LSAMP: variants seen among roughly 807,000 people sequenced by gnomAD.
The protein encoded by LSAMP is limbic system-associated membrane protein.
In LSAMP, 7 loss-of-function variants were observed where a neutral mutation model predicts 38.6. The observed-to-expected ratio is 0.18, with a 90% CI of 0.10 to 0.34. The LOEUF (loss-of-function observed/expected upper bound fraction) is 0.34. LSAMP is among the 10% of genes least tolerant of loss of function. The probability of loss-of-function intolerance (pLI) is 1.00; values close to 1 mark genes in which losing one functional copy is unlikely to be tolerated. For missense variants in LSAMP, 313 were observed against 420.0 expected, an observed-to-expected ratio of 0.75 and a Z score of 2.23; for synonymous variants, 154 against 166.8, an observed-to-expected ratio of 0.92 and a Z score of 0.59.
intron 1 of LSAMP, among the ~76,000 whole-genome samples, chr3:116,265,039 C>CTCA (rs2046874818): frequency 6.6e-6 from 1 of 152,006 alleles, no homozygotes; most frequent in African/African-American, 2.4e-5. Context: ...CCTAAGTCAC[C>CTCA]TCATCAGCAT....
intron 1 of LSAMP, among the ~76,000 whole-genome samples, chr3:116,323,694 T>C (rs182454633): frequency 6.6e-6 from 1 of 152,252 alleles, no homozygotes; most frequent in African/African-American, 2.4e-5. Flanking sequence ...GATCTAATTC[T>C]ACCATCTTCT....
At chr3:116,354,835 G>T (rs900317115) in intron 1 of LSAMP, among the ~76,000 whole-genome samples, 4 of 128,734 alleles carry the variant, frequency 3.1e-5, no homozygotes, top group African/African-American at 1.1e-4. Context: ...CTCTCTCTCT[G>T]GGTGTATATA....
At chr3:116,038,406 T>C (rs775884435) in intron 2 of LSAMP, among the ~76,000 whole-genome samples, 9 of 152,134 alleles carry the variant, frequency 5.9e-5, no homozygotes, top group Non-Finnish European at 1.3e-4. Flanking sequence ...TGAATAAATG[T>C]ATCAGTGAAG....
chr3:116,199,817 A>G (rs2045965368), intron 1 of LSAMP, among the ~76,000 whole-genome samples: 1 of 152,164 alleles, frequency 6.6e-6, no homozygotes, highest in Admixed American at 6.5e-5. Flanking sequence ...TGATAAGTTT[A>G]TGAAAGGGAG....
At chr3:116,054,177 C>T (rs1941446851) in intron 2 of LSAMP, among the ~76,000 whole-genome samples, 2 of 152,154 alleles carry the variant, frequency 1.3e-5, no homozygotes, top group Admixed American at 1.3e-4. Flanking sequence ...TCAAAGCCAG[C>T]AGTGCAGCAT....
At chr3:116,374,847 C>T (rs1408688505) in intron 1 of LSAMP, among the ~76,000 whole-genome samples, 1 of 151,704 alleles carries the variant, frequency 6.6e-6, no homozygotes, top group Non-Finnish European at 1.5e-5. Context: ...CTCCTAGGAC[C>T]CCAGAACATG....
At chr3:115,813,908 T>G (rs1933923700) in intron 6 of LSAMP, among the ~76,000 whole-genome samples, 1 of 152,158 alleles carries the variant, frequency 6.6e-6, no homozygotes. Context: ...ACAGATAAAA[T>G]GAAAGCAAGA....
chr3:116,104,423 C>T (rs1008918502), intron 1 of LSAMP, among the ~76,000 whole-genome samples: 2 of 151,672 alleles, frequency 1.3e-5, no homozygotes, highest in Non-Finnish European at 2.9e-5. Context: ...AATCAACCAC[C>T]CAACAAAGAA....
chr3:116,124,760 T>G (rs534796643), intron 1 of LSAMP, among the ~76,000 whole-genome samples: 30 of 152,310 alleles, frequency 2.0e-4, no homozygotes, highest in African/African-American at 7.2e-4. Context: ...GCAATCAGAT[T>G]GCTGTAGACA....
At chr3:116,296,523 A>G (rs1279797573) in intron 1 of LSAMP, among the ~76,000 whole-genome samples, 1 of 151,922 alleles carries the variant, frequency 6.6e-6, no homozygotes, top group Admixed American at 6.6e-5. Context: ...CTACTAAAAA[A>G]ATACAAAAAA....
chr3:115,932,739 T>C (rs1160655350), intron 3 of LSAMP, among the ~76,000 whole-genome samples: 1 of 151,042 alleles, frequency 6.6e-6, no homozygotes, highest in African/African-American at 2.4e-5. Flanking sequence ...ATGGTAGTCA[T>C]TTTAAAAAAT....
At chr3:116,208,019 C>T (rs1271783976) in intron 1 of LSAMP, among the ~76,000 whole-genome samples, 2 of 149,546 alleles carry the variant, frequency 1.3e-5, no homozygotes, top group Non-Finnish European at 3.0e-5. Context: ...TCCATTCTCC[C>T]CATCACTTTC....
At chr3:116,243,107 G>A (rs2046560204) in intron 1 of LSAMP, among the ~76,000 whole-genome samples, 1 of 152,202 alleles carries the variant, frequency 6.6e-6, no homozygotes, top group Non-Finnish European at 1.5e-5. Flanking sequence ...TAGAAAGACA[G>A]AGAAGATGAT....
rs1160761536 is a variant in LSAMP at position 116,410,622 on chromosome 3, A to G, written c.155+34255T>C. Reference sequence around the variant, plus strand: ...AAAATTCAGGTCACAGAAATAATACATGGTCAGACAAGTACACAATGGTTG... The same window carrying G: ...AAAATTCAGGTCACAGAAATAATACGTGGTCAGACAAGTACACAATGGTTG... On this transcript the variant is annotated intron_variant, in intron 1 of 6. Transcript: ENST00000490035. Among the ~76,000 whole-genome samples, 5 of 152,068 alleles carry G rather than the reference A, an allele frequency of 3.3e-5. No individual in the cohort carries two copies. In the East Asian group the frequency reaches 5.8e-4, roughly 18 times the overall value.
chr3:116,024,068 T>A (rs1382062615), intron 2 of LSAMP, among the ~76,000 whole-genome samples: 4 of 152,178 alleles, frequency 2.6e-5, no homozygotes, highest in Non-Finnish European at 5.9e-5. Context: ...TGCTCCTGGA[T>A]CCACAATGGG....
intron 2 of LSAMP, among the ~76,000 whole-genome samples, chr3:116,053,399 C>T (rs73139180): frequency 0.24 from 36,239 of 152,030 alleles, 4,411 homozygotes; most frequent in Admixed American, 0.28. Flanking sequence ...TATAGGCAAC[C>T]ATGGCACAAT....
At chr3:116,205,165 T>C (rs2046049323) in intron 1 of LSAMP, among the ~76,000 whole-genome samples, 1 of 148,872 alleles carries the variant, frequency 6.7e-6, no homozygotes, top group South Asian at 2.1e-4. Flanking sequence ...TTTGAAGCAA[T>C]TGTGAATGGG....
intron 2 of LSAMP, among the ~76,000 whole-genome samples, chr3:116,032,564 T>G (rs1385544789): frequency 6.6e-6 from 1 of 152,086 alleles, no homozygotes; most frequent in Non-Finnish European, 1.5e-5. Flanking sequence ...TCCCAGCACT[T>G]TGGAAGGCTG....
At chr3:116,349,489 A>G (rs1022101505) in intron 1 of LSAMP, among the ~76,000 whole-genome samples, 2 of 148,504 alleles carry the variant, frequency 1.3e-5, no homozygotes, top group Non-Finnish European at 3.0e-5. Context: ...AAAACTACAC[A>G]CACACACACA....
Sources: gnomAD v4.1 joint callset for allele counts (sites outside exome capture counted in the v4.1 genomes callset) on GRCh38, gnomAD v4.1.1 for gene constraint, MANE v1.5 for transcripts, NCBI Gene and HGNC (gene_info 2026-07-23, HGNC 2026-07-21) for gene names.